Variants in SLC5A4 observed in about 807,000 individuals in gnomAD.
The protein encoded by SLC5A4 is solute carrier family 5 member 4, also known as probable glucose sensor protein SLC5A4.
Under a neutral mutation model 70.3 loss-of-function variants are expected in SLC5A4, and 55 were observed. The ratio of observed to expected loss-of-function variants is 0.78; its 90% confidence interval spans 0.63 to 0.98. The LOEUF (loss-of-function observed/expected upper bound fraction) is 0.98. Ranked by LOEUF, SLC5A4 falls within the 50% of genes least tolerant of loss-of-function variation. The pLI is 0.00. For synonymous variants in SLC5A4, 268 were observed against 305.7 expected, an observed-to-expected ratio of 0.88 and a Z score of 1.29; for missense variants, 735 against 839.2, an observed-to-expected ratio of 0.88 and a Z score of 1.53.
intron 13 of SLC5A4, 37 bp from the exon 14 acceptor site, chr22:32,221,059 G>A (rs569691339): frequency 7.9e-7 from 1 of 1,268,744 alleles, no homozygotes; most frequent in African/African-American, 1.5e-5. Context: ...TTAGTAATAG[G>A]CAAATGTTTG....
chr22:32,248,671 G>C, intron 4 of SLC5A4, 72 bp downstream of exon 4: 1 of 1,046,868 alleles, frequency 9.6e-7, no homozygotes. Flanking sequence ...CATTGTCTCA[G>C]TGATTGATCT....
chr22:32,255,184 A>G lies in SLC5A4; in HGVS notation c.135+11T>C, dbSNP rs776185732. The G allele has an allele frequency of 4.3e-6, 7 of 1,611,576 alleles. No homozygotes were observed. The Admixed American group carries it at 6.7e-5, about 15-fold the overall frequency. ...TGTGCCCACCCTAAAAGCCACTGGG[A>G]TTCCACCTACCCACAGCCCAACAGC... On this transcript the variant is annotated intron_variant, in intron 1 of 14. Transcript: ENST00000266086.
intron 14 of SLC5A4, 118 bp downstream of exon 14, chr22:32,220,802 G>C (rs1925029957): frequency 1.4e-6 from 1 of 738,668 alleles, no homozygotes; most frequent in Non-Finnish European, 2.4e-6. Flanking sequence ...TAAAGTTTCA[G>C]TTTGTCATAA....
At chr22:32,285,104 AGT>A in the SLC5A4 span, 4 of 152,192 alleles carry the variant, frequency 2.6e-5, no homozygotes, top group African/African-American at 4.8e-5. Context: ...CAAATCTTTT[AGT>A]GTTAATAAAT....
the SLC5A4 span, among the ~76,000 whole-genome samples, chr22:32,317,776 G>T: frequency 6.6e-6 from 1 of 152,136 alleles, no homozygotes; most frequent in South Asian, 2.1e-4. Context: ...CCAACTACTC[G>T]TTCTTTGAAA....
At chr22:32,261,576 C>T in the SLC5A4 span, among the ~76,000 whole-genome samples, 24 of 152,368 alleles carry the variant, frequency 1.6e-4, no homozygotes, top group African/African-American at 5.8e-4. Context: ...CCACCCCGAA[C>T]TTCCAGACAG....
the SLC5A4 span, among the ~76,000 whole-genome samples, chr22:32,290,156 T>G: frequency 6.6e-6 from 1 of 152,192 alleles, no homozygotes; most frequent in Non-Finnish European, 1.5e-5. Flanking sequence ...TAAGTACACA[T>G]GTGCCGTGGT....
rs910266797 is a variant in SLC5A4 at position 32,225,655 on chromosome 22, C to T, written c.1449G>A (p.Gln483=). The change falls in exon 12 of 15, where the codon CAG becomes CAA. Residue 483 remains glutamine, a splice_region_variant and synonymous_variant. Coordinates refer to ENST00000266086, the MANE Select transcript of SLC5A4 (RefSeq NM_014227.3). The part of the protein sequence containing the change: ...LAIFCKRVNE[Q]GAFWGLMVGL... ...AACTTTTTTTCCAGTTTTCACTCAC[C>T]TGTTCATTGACTCTTTTACAGAAGA... 6.2e-7 allele frequency: 1 copy of T among 1,601,718 alleles called. No individual in the cohort carries two copies. The highest frequency in any genetic ancestry group is 1.3e-5 in the African/African-American group (1 of 74,284).
intron 5 of SLC5A4, among the ~76,000 whole-genome samples, chr22:32,244,598 T>C (rs948236743): frequency 1.2e-4 from 19 of 152,212 alleles, no homozygotes; most frequent in African/African-American, 4.6e-4. Context: ...AATGGCATGA[T>C]CTTAGCTCAT....
At position 32,226,433 on chromosome 22, in the gene SLC5A4, G is replaced by C. The variant is rs75174975; in HGVS notation, c.1281-610C>G. 2.1e-3 allele frequency among the ~76,000 whole-genome samples: 326 copies of C among 152,264 alleles called. 2 individuals carry two copies. Among genetic ancestry groups the C allele is most frequent in the South Asian group, 0.02 (98 of 4,816 alleles). ...TGCTTGTTCTGTGAGTAAATGAACC[G>C]ACGCAATTTACTGCAGTGTGCGTAA... On this transcript the variant is annotated intron_variant, in intron 11 of 14. Transcript: ENST00000266086.
chr22:32,322,800 G>A, the SLC5A4 span, among the ~76,000 whole-genome samples: 1 of 152,140 alleles, frequency 6.6e-6, no homozygotes, highest in East Asian at 1.9e-4. Context: ...GAAGGAAGAG[G>A]ACTTTGGGTT....
the SLC5A4 span, among the ~76,000 whole-genome samples, chr22:32,307,205 G>A: frequency 6.6e-6 from 1 of 151,606 alleles, no homozygotes; most frequent in East Asian, 1.9e-4. Context: ...ATTTCAGTCT[G>A]TTAAGGGCAA....
the SLC5A4 span, among the ~76,000 whole-genome samples, chr22:32,260,729 T>C: frequency 6.6e-6 from 1 of 152,036 alleles, no homozygotes; most frequent in Admixed American, 6.5e-5. Flanking sequence ...AAACAAACTA[T>C]TAAAAATCGG....
intron 7 of SLC5A4, among the ~76,000 whole-genome samples, chr22:32,236,999 C>T (rs528093931): frequency 2.0e-5 from 3 of 152,202 alleles, no homozygotes; most frequent in East Asian, 3.9e-4. Context: ...CCACCGCGCC[C>T]GGCCTCTAAG....
At chr22:32,311,179 C>T in the SLC5A4 span, among the ~76,000 whole-genome samples, 11 of 152,332 alleles carry the variant, frequency 7.2e-5, no homozygotes, top group East Asian at 2.1e-3. Context: ...GAGTTCCCGG[C>T]AGAACACTCG....
In SLC5A4 at chr22:32,221,022, G is replaced by A; in HGVS notation, c.1666C>T (p.Leu556=). The A allele has an allele frequency of 6.2e-7, 1 of 1,604,444 alleles. No individual in the cohort carries two copies. Among genetic ancestry groups the A allele is most frequent in the Non-Finnish European group, 8.5e-7 (1 of 1,171,276 alleles). Residue 556 remains leucine, a splice_region_variant and synonymous_variant, in exon 14 of 15, where the codon CTG becomes TTG. Coordinates refer to ENST00000266086, the MANE Select transcript of SLC5A4 (RefSeq NM_014227.3). The stretch of plus-strand genomic sequence containing the variant: ...CGAAGAACCCAGCACAGGCGGTACA[G>A]CTGAACAGGGACCATACAAAAGTGC... ...LLTKPIPDVH[L]YRLCWVLRNS...
At chr22:32,308,054 GTTATTCCTTCC>G in the SLC5A4 span, among the ~76,000 whole-genome samples, 1 of 152,136 alleles carries the variant, frequency 6.6e-6, no homozygotes, top group African/African-American at 2.4e-5. Context: ...ATCCAGGTCT[GTTATTCCTTCC>G]TTCCTTCTTA....
the SLC5A4 span, among the ~76,000 whole-genome samples, chr22:32,273,839 G>A: frequency 2.0e-5 from 3 of 152,046 alleles, no homozygotes; most frequent in Admixed American, 6.6e-5. Context: ...TACTTTAAAT[G>A]CTATTACAGA....
chr22:32,224,325 C>G lies in SLC5A4; in HGVS notation c.1607G>C (p.Gly536Ala). The G allele has an allele frequency of 6.2e-7, 1 of 1,613,872 alleles. No individual in the cohort carries two copies. Reference protein sequence around the residue: ...YLYFSIVLFFGSMLVTLGISL... With the variant: ...YLYFSIVLFFASMLVTLGISL... ...AATTCCCAGGGTGACCAGCATGGAC[C>G]CAAAAAAGAGAACGATGGAAAAGTA... Residue 536 changes from glycine (G) to alanine (A), a missense_variant, in exon 13 of 15, where the codon GGG (glycine) becomes GCG (alanine). By Grantham distance (60) the Gly-to-Ala change is moderately conservative. Transcript: ENST00000266086.
Sources: gnomAD v4.1 joint callset for allele counts (sites outside exome capture counted in the v4.1 genomes callset) on GRCh38, gnomAD v4.1.1 for gene constraint, MANE v1.5 for transcripts, NCBI Gene and HGNC (gene_info 2026-07-23, HGNC 2026-07-21) for gene names.